Variants in C19orf38 observed in about 807,000 individuals in gnomAD.
The protein encoded by C19orf38 is protein HIDE1.
Under a neutral mutation model 26.6 loss-of-function variants are expected in C19orf38, and 14 were observed. That is an observed-to-expected ratio of 0.53 (90% CI 0.35 to 0.82). The LOEUF (loss-of-function observed/expected upper bound fraction) is 0.82, where lower values mean the gene tolerates loss of function less well. Among genes scored for constraint, C19orf38 ranks in the 40% least tolerant of loss-of-function variants. The probability of loss-of-function intolerance (pLI) is 0.01; values close to 1 mark genes in which losing one functional copy is unlikely to be tolerated. For synonymous variants in C19orf38, 132 were observed against 128.5 expected, an observed-to-expected ratio of 1.03 and a Z score of -0.18; for missense variants, 261 against 299.5, an observed-to-expected ratio of 0.87 and a Z score of 0.95.
upstream of C19orf38, among the ~76,000 whole-genome samples, chr19:10,843,505 T>C (rs1479731414): frequency 6.6e-6 from 1 of 152,250 alleles, no homozygotes; most frequent in Non-Finnish European, 1.5e-5. Context: ...TGTCTTCTTG[T>C]CTGACTCTTG....
At chr19:10,859,771 TCTG>T in intron 4 of C19orf38, 141 bp from the exon 5 acceptor site, 2 of 684,896 alleles carry the variant, frequency 2.9e-6, no homozygotes, top group Non-Finnish European at 5.2e-6. Context: ...TTACTGCTCT[TCTG>T]TGGGGAAGAC....
chr19:10,846,319 C>A (rs2073516955), upstream of C19orf38, among the ~76,000 whole-genome samples: 1 of 151,826 alleles, frequency 6.6e-6, no homozygotes, highest in African/African-American at 2.4e-5. Context: ...GCCTCAGCCT[C>A]CCGAGTAGCT....
chr19:10,837,493 T>C (rs573206768), intron 1 of C19orf38, among the ~76,000 whole-genome samples: 1 of 145,556 alleles, frequency 6.9e-6, no homozygotes, highest in Non-Finnish European at 1.5e-5. Flanking sequence ...TTTTTTTTAA[T>C]TTTTTTTTCC....
rs548706724 is a variant in C19orf38, at chr19:10,867,573, C to T, written c.544-1645C>T. ...GCGGAGTTGCTGTGAGCTGAGATCA[C>T]GCCATTGCATTCCAGCCTGGGCAAC... is the stretch of plus-strand genomic sequence containing the variant. On this transcript the variant is annotated intron_variant, in intron 6 of 6. Coordinates refer to ENST00000397820, the MANE Select transcript of C19orf38 (RefSeq NM_001136482.3). Among the ~76,000 whole-genome samples, 17 of 148,368 alleles carry T rather than the reference C, an allele frequency of 1.1e-4. No individual in the cohort carries two copies. The South Asian group carries it at 1.9e-3, about 17-fold the overall frequency.
upstream of C19orf38, among the ~76,000 whole-genome samples, chr19:10,848,190 CAAAAAA>C (rs943299412): frequency 2.6e-5 from 4 of 151,626 alleles, no homozygotes; most frequent in Non-Finnish European, 5.9e-5. Flanking sequence ...GACTCTGTCT[CAAAAAA>C]TAAAAATAAA....
rs554372889 is a variant in C19orf38 at position 10,867,899 on chromosome 19, C to T, written c.544-1319C>T. On this transcript the variant is annotated intron_variant, in intron 6 of 6. Transcript: ENST00000397820. Reference sequence around the variant, plus strand: ...AACTCCTGACCTCAGGTGATCCGCCCGCCTCGACCTCCCAAAGTGCTGGGA... The same window carrying T: ...AACTCCTGACCTCAGGTGATCCGCCTGCCTCGACCTCCCAAAGTGCTGGGA... 4.6e-5 allele frequency among the ~76,000 whole-genome samples: 7 copies of T among 151,850 alleles called. No individual in the cohort carries two copies. The East Asian group carries it at 5.9e-4, about 13-fold the overall frequency.
intron 6 of C19orf38, among the ~76,000 whole-genome samples, chr19:10,868,565 G>A (rs2073774256): frequency 6.6e-6 from 1 of 152,166 alleles, no homozygotes; most frequent in Admixed American, 6.5e-5. Context: ...CCAGGCTGGA[G>A]AGGAGTGGCA....
chr19:10,838,960 G>A (rs1205189470), intron 1 of C19orf38, among the ~76,000 whole-genome samples: 1 of 151,352 alleles, frequency 6.6e-6, no homozygotes. Context: ...TGTCACCCAG[G>A]CTGGAGTGCA....
intron 5 of C19orf38, among the ~76,000 whole-genome samples, chr19:10,861,619 C>G (rs907790243): frequency 1.3e-5 from 2 of 152,028 alleles, no homozygotes; most frequent in African/African-American, 4.8e-5. Flanking sequence ...ATTGTGTCGC[C>G]CAGGTTGGAG....
intron 1 of C19orf38, among the ~76,000 whole-genome samples, chr19:10,837,503 CTTTTTTTTTTTTT>C (rs958209460): frequency 1.1e-5 from 1 of 93,634 alleles, no homozygotes; most frequent in African/African-American, 4.1e-5. Context: ...TTTTTTTTTC[CTTTTTTTTTTTTT>C]TTTTTTTTGA....
chr19:10,852,409 C>A (rs1414901851), intron 2 of C19orf38, among the ~76,000 whole-genome samples: 1 of 152,194 alleles, frequency 6.6e-6, no homozygotes. Flanking sequence ...GCCAGCAGGG[C>A]ACCAGATGAA....
intron 1 of C19orf38, chr19:10,842,232 C>A: frequency 8.4e-7 from 1 of 1,192,132 alleles, no homozygotes; most frequent in Non-Finnish European, 1.2e-6. Context: ...ACCACAGAAC[C>A]ATCTCTTGGA....
chr19:10,840,004 G>A (rs2073467429), intron 1 of C19orf38, among the ~76,000 whole-genome samples: 2 of 152,120 alleles, frequency 1.3e-5, no homozygotes, highest in South Asian at 4.1e-4. Context: ...TTACAGTTGT[G>A]AGTCACTGTG....
intron 1 of C19orf38, chr19:10,842,209 T>A (rs1234588759): frequency 7.1e-7 from 1 of 1,415,892 alleles, no homozygotes; most frequent in Non-Finnish European, 1.0e-6. Flanking sequence ...TATGAAAACT[T>A]TCAGTGATGA....
At chr19:10,854,848 G>T (rs2073607885) in intron 2 of C19orf38, among the ~76,000 whole-genome samples, 2 of 151,984 alleles carry the variant, frequency 1.3e-5, no homozygotes, top group Admixed American at 1.3e-4. Context: ...ACCAGCAAGA[G>T]GGGATTTGTT....
intron 1 of C19orf38, among the ~76,000 whole-genome samples, chr19:10,849,957 T>A (rs920443681): frequency 6.6e-6 from 1 of 151,898 alleles, no homozygotes; most frequent in Non-Finnish European, 1.5e-5. Flanking sequence ...CCTAGCTACT[T>A]GGGAGGCTGG....
At chr19:10,849,269 C>T (rs192966087) in intron 1 of C19orf38, among the ~76,000 whole-genome samples, 4 of 152,304 alleles carry the variant, frequency 2.6e-5, no homozygotes, top group Admixed American at 2.6e-4. Context: ...AGTCCTCCCA[C>T]CTTGGCCTCC....
At chr19:10,848,054 G>T (rs577527922), upstream of C19orf38, among the ~76,000 whole-genome samples, 5 of 152,210 alleles carry the variant, frequency 3.3e-5, no homozygotes, top group African/African-American at 1.2e-4. Flanking sequence ...AGCTGTGCAT[G>T]ATGGCTCCTG....
At chr19:10,840,285 C>G (rs1488327427) in intron 1 of C19orf38, among the ~76,000 whole-genome samples, 1 of 152,142 alleles carries the variant, frequency 6.6e-6, no homozygotes, top group South Asian at 2.1e-4. Context: ...TCCAGTTTCT[C>G]TACATCCTCA....
Sources: allele counts gnomAD v4.1 joint callset (sites outside exome capture counted in the v4.1 genomes callset), GRCh38; gene constraint gnomAD v4.1.1; transcripts MANE v1.5; gene names NCBI Gene and HGNC (gene_info 2026-07-23, HGNC 2026-07-21).